The following DLC1 variants were observed in gnomAD, a reference collection of about 807,000 sequenced individuals.
DLC1 encodes DLC1 Rho GTPase activating protein.
Under a neutral mutation model 140.3 loss-of-function variants are expected in DLC1, and 54 were observed. That is an observed-to-expected ratio of 0.38 (90% CI 0.31 to 0.48). The LOEUF is 0.48. DLC1 is among the 20% of genes least tolerant of loss of function. The pLI is 0.96. For missense variants in DLC1, 2,536 were observed against 1,907.0 expected (o/e 1.33, Z -6.14); for synonymous variants, 986 against 728.1 (o/e 1.35, Z -5.70).
chr8:13,579,365 T>TTA (rs1804982732), intron 1 of DLC1, among the ~76,000 whole-genome samples: 1 of 40,730 alleles, frequency 2.5e-5, no homozygotes, highest in Non-Finnish European at 4.0e-5. Context: ...ATATATATTT[T>TTA]TATATAATAC....
At chr8:13,416,150 A>T (rs1003015473) in intron 2 of DLC1, among the ~76,000 whole-genome samples, 1 of 152,110 alleles carries the variant, frequency 6.6e-6, no homozygotes, top group African/African-American at 2.4e-5. Flanking sequence ...GTCCCATGTT[A>T]TTCTTCTCTG....
intron 5 of DLC1, among the ~76,000 whole-genome samples, chr8:13,117,960 T>C (rs2128952337): frequency 6.6e-6 from 1 of 152,206 alleles, no homozygotes; most frequent in African/African-American, 2.4e-5. Context: ...CCCATGTGAT[T>C]TCAGCAACAC....
chr8:13,410,891 T>C (rs1178826201), intron 2 of DLC1, among the ~76,000 whole-genome samples: 1 of 152,146 alleles, frequency 6.6e-6, no homozygotes, highest in Non-Finnish European at 1.5e-5. Context: ...GCTTGTTGAA[T>C]GAAAGAATGA....
At chr8:13,461,142 C>A (rs142239193) in intron 2 of DLC1, among the ~76,000 whole-genome samples, 1 of 152,310 alleles carries the variant, frequency 6.6e-6, no homozygotes, top group Non-Finnish European at 1.5e-5. Flanking sequence ...CCCAGGAGTT[C>A]AAGGCTGCAG....
chr8:13,547,414 T>G (rs1342621623), intron 1 of DLC1, among the ~76,000 whole-genome samples: 1 of 151,998 alleles, frequency 6.6e-6, no homozygotes, highest in Middle Eastern at 3.2e-3. Context: ...TTAATACATG[T>G]ATTAAAGAAG....
chr8:13,140,725 G>T (rs1482549120), intron 5 of DLC1, among the ~76,000 whole-genome samples: 1 of 151,958 alleles, frequency 6.6e-6, no homozygotes, highest in Non-Finnish European at 1.5e-5. Flanking sequence ...TTACTTATTT[G>T]TTCTTTTCAA....
intron 5 of DLC1, among the ~76,000 whole-genome samples, chr8:13,155,287 G>A (rs1335468915): frequency 6.6e-6 from 1 of 150,612 alleles, no homozygotes; most frequent in Non-Finnish European, 1.5e-5. Flanking sequence ...GTTTTTTATT[G>A]CTTCAGTAAA....
At chr8:13,323,711 T>C (rs1200462651) in intron 4 of DLC1, among the ~76,000 whole-genome samples, 1 of 152,180 alleles carries the variant, frequency 6.6e-6, no homozygotes, top group Non-Finnish European at 1.5e-5. Flanking sequence ...TTTTTATATA[T>C]ACATAGAGAT....
At chr8:13,313,487 G>A (rs1832758896) in intron 4 of DLC1, among the ~76,000 whole-genome samples, 2 of 152,092 alleles carry the variant, frequency 1.3e-5, no homozygotes, top group Admixed American at 1.3e-4. Context: ...GTGAGATAGG[G>A]GTAGATATAG....
intron 1 of DLC1, among the ~76,000 whole-genome samples, chr8:13,505,374 AT>A (rs1450178946): frequency 6.6e-6 from 1 of 152,180 alleles, no homozygotes; most frequent in Admixed American, 6.5e-5. Context: ...GTACAATCAT[AT>A]TGTTTAGAAA....
chr8:13,184,915 G>C (rs540457361), intron 5 of DLC1, among the ~76,000 whole-genome samples: 43 of 152,170 alleles, frequency 2.8e-4, no homozygotes, highest in African/African-American at 9.2e-4. Context: ...GTCTCTCATT[G>C]TTTTTGTGTG....
chr8:13,212,948 T>C (rs1022707066), intron 5 of DLC1, among the ~76,000 whole-genome samples: 2 of 152,228 alleles, frequency 1.3e-5, no homozygotes, highest in African/African-American at 2.4e-5. Context: ...TTAAATTTTT[T>C]ATTTGTATCA....
intron 5 of DLC1, among the ~76,000 whole-genome samples, chr8:13,294,482 A>G (rs930280376): frequency 6.6e-6 from 1 of 152,104 alleles, no homozygotes; most frequent in African/African-American, 2.4e-5. Context: ...ATCATAGAAG[A>G]CTTCACCTTC....
At chr8:13,511,885 T>TAGA (rs1207141726) in intron 1 of DLC1, among the ~76,000 whole-genome samples, 18 of 152,140 alleles carry the variant, frequency 1.2e-4, no homozygotes, top group African/African-American at 4.3e-4. Flanking sequence ...AAAGACAAAT[T>TAGA]TCAAATGATC....
At chr8:13,348,904 G>A (rs1834501217) in intron 4 of DLC1, among the ~76,000 whole-genome samples, 1 of 152,176 alleles carries the variant, frequency 6.6e-6, no homozygotes, top group Non-Finnish European at 1.5e-5. Flanking sequence ...GTCAGTAAGA[G>A]GGAAGCATAT....
chr8:13,583,101 C>A (rs1473316064), intron 1 of DLC1, among the ~76,000 whole-genome samples: 1 of 151,614 alleles, frequency 6.6e-6, no homozygotes, highest in Admixed American at 6.6e-5. Context: ...GTTGAGGTGT[C>A]TGTGACAGTT....
upstream of DLC1, among the ~76,000 whole-genome samples, chr8:13,517,667 A>T (rs1802634303): frequency 6.6e-6 from 1 of 152,184 alleles, no homozygotes. Context: ...AAATCTAAAT[A>T]CCAACTTCCT....
At chr8:13,520,659 A>T (rs1296782919) in intron 1 of DLC1, among the ~76,000 whole-genome samples, 1 of 152,142 alleles carries the variant, frequency 6.6e-6, no homozygotes, top group Non-Finnish European at 1.5e-5. Context: ...AATAAAAAAA[A>T]TATTGACACA....
chr8:13,444,216 C>T (rs1010723124), intron 2 of DLC1, among the ~76,000 whole-genome samples: 1 of 152,020 alleles, frequency 6.6e-6, no homozygotes, highest in Non-Finnish European at 1.5e-5. Context: ...AACCAAATAC[C>T]TCATGTTCTC....
Sources: gnomAD v4.1 joint callset for allele counts (sites outside exome capture counted in the v4.1 genomes callset) on GRCh38, gnomAD v4.1.1 for gene constraint, MANE v1.5 for transcripts, NCBI Gene and HGNC (gene_info 2026-07-23, HGNC 2026-07-21) for gene names.